Variants in NFE2L2 observed in about 807,000 individuals in gnomAD.
NFE2L2 encodes nuclear factor erythroid 2-related factor 2.
A neutral mutation model predicts 49.6 loss-of-function variants in NFE2L2; 20 were observed. The ratio of observed to expected loss-of-function variants is 0.40; its 90% CI spans 0.28 to 0.59. NFE2L2 has a LOEUF of 0.59. Ranked by LOEUF, NFE2L2 falls within the 20% of genes least tolerant of loss-of-function variation. NFE2L2 has a pLI of 0.40. For missense variants in NFE2L2, 578 were observed against 714.2 expected, an observed-to-expected ratio of 0.81 and a Z score of 2.17; for synonymous variants, 244 against 256.5, an observed-to-expected ratio of 0.95 and a Z score of 0.47.
At chr2:177,245,229 C>A (rs1558985986) in intron 1 of NFE2L2, among the ~76,000 whole-genome samples, 2 of 151,976 alleles carry the variant, frequency 1.3e-5, no homozygotes. Flanking sequence ...ACTGTTAATG[C>A]CACACTGTCA....
At chr2:177,259,917 G>T (rs1690668704) in intron 1 of NFE2L2, among the ~76,000 whole-genome samples, 1 of 151,920 alleles carries the variant, frequency 6.6e-6, no homozygotes, top group Non-Finnish European at 1.5e-5. Flanking sequence ...GGGCGACAGA[G>T]CAAGACTGCG....
At chr2:177,232,297 A>G (rs892854924) in intron 4 of NFE2L2, 95 bp downstream of exon 4, 87 of 1,240,436 alleles carry the variant, frequency 7.0e-5, no homozygotes, top group Non-Finnish European at 8.6e-5. Context: ...GCACCCTCCA[A>G]TCCTTCCTAT....
rs866928707 is a variant in NFE2L2 at position 177,264,684 on chromosome 2, G to T, written c.-108C>A. ...TGGTGGCGGCGGCGGCGGCGGTGGC[G>T]GCTGCGTCGGCGGCTCCTCCGGGCT... On this transcript the variant is annotated 5_prime_UTR_variant, in exon 1 of 5. Transcript: ENST00000397062. 94 of 1,045,620 alleles carry T rather than the reference G, an allele frequency of 9.0e-5. No homozygotes were observed. The Admixed American group carries it at 1.2e-3, about 13-fold the overall frequency. 64.8% of individuals were successfully genotyped at this position (1,045,620 alleles called of 1,614,324 possible).
intron 1 of NFE2L2, among the ~76,000 whole-genome samples, chr2:177,260,622 GCT>G (rs1690698042): frequency 6.6e-6 from 1 of 152,082 alleles, no homozygotes; most frequent in East Asian, 1.9e-4. Context: ...TCCCCATTCT[GCT>G]CTCTTTCCTT....
intron 1 of NFE2L2, among the ~76,000 whole-genome samples, chr2:177,260,873 T>A (rs1428884369): frequency 6.6e-6 from 1 of 152,094 alleles, no homozygotes; most frequent in Non-Finnish European, 1.5e-5. Context: ...TTAAAACTAT[T>A]ATTATATTAA....
intron 1 of NFE2L2, among the ~76,000 whole-genome samples, 166 bp from the exon 2 acceptor site, chr2:177,234,437 T>C (rs1319002511): frequency 6.6e-6 from 1 of 152,228 alleles, no homozygotes; most frequent in Non-Finnish European, 1.5e-5. Context: ...GCACAGTTAA[T>C]TCCATTCAAT....
chr2:177,239,175 T>C (rs1165919788), intron 1 of NFE2L2, among the ~76,000 whole-genome samples: 1 of 152,304 alleles, frequency 6.6e-6, no homozygotes, highest in East Asian at 1.9e-4. Flanking sequence ...AGACTAGCTC[T>C]TGAGCATCCT....
rs1690874633 is a variant in NFE2L2 at position 177,264,685 on chromosome 2, G to T, written c.-109C>A. 1.9e-6 allele frequency: 2 copies of T among 1,042,900 alleles called. No homozygotes were observed. The highest frequency in any genetic ancestry group is 2.5e-6 in the Non-Finnish European group (2 of 794,952). The allele number at this position is 1,042,900 out of a possible 1,614,324, so 64.6% of individuals were successfully genotyped here. On this transcript the variant is annotated 5_prime_UTR_variant, in exon 1 of 5. Transcript: ENST00000397062. ...GGTGGCGGCGGCGGCGGCGGTGGCGGCTGCGTCGGCGGCTCCTCCGGGCTC... is the reference window on the plus strand; with the variant it reads ...GGTGGCGGCGGCGGCGGCGGTGGCGTCTGCGTCGGCGGCTCCTCCGGGCTC...
chr2:177,233,465 C>A, intron 2 of NFE2L2, 126 bp from the exon 3 acceptor site: 1 of 763,024 alleles, frequency 1.3e-6, no homozygotes, highest in South Asian at 1.9e-5. Flanking sequence ...TATCTTATTT[C>A]AGAGATCACT....
chr2:177,264,346 C>A, intron 1 of NFE2L2, 186 bp downstream of exon 1: 1 of 542,264 alleles, frequency 1.8e-6, no homozygotes, highest in Non-Finnish European at 3.1e-6. Flanking sequence ...ATCACCCGGC[C>A]GCGTCCCCGC....
chr2:177,251,900 G>A (rs150396319), intron 1 of NFE2L2, among the ~76,000 whole-genome samples: 4,427 of 151,116 alleles, frequency 0.029, 220 homozygotes, highest in African/African-American at 0.098. Context: ...CAGCTACTCA[G>A]GAGGCTGAGG....
At chr2:177,258,844 T>C (rs1690623541) in intron 1 of NFE2L2, among the ~76,000 whole-genome samples, 1 of 152,174 alleles carries the variant, frequency 6.6e-6, no homozygotes, top group African/African-American at 2.4e-5. Flanking sequence ...AGCAATAGAG[T>C]TCAGAGCTTG....
At chr2:177,257,569 A>G (rs1690570927) in intron 1 of NFE2L2, among the ~76,000 whole-genome samples, 1 of 152,240 alleles carries the variant, frequency 6.6e-6, no homozygotes, top group Non-Finnish European at 1.5e-5. Context: ...TTTAAATAAG[A>G]CATCCTAACC....
intron 1 of NFE2L2, among the ~76,000 whole-genome samples, chr2:177,235,651 C>T (rs1689723897): frequency 6.6e-6 from 1 of 152,020 alleles, no homozygotes. Context: ...CATAGTGACA[C>T]CTGTTTCTAC....
Position 177,264,671 on chromosome 2 carries a change from C to T in NFE2L2, c.-95G>A, listed in dbSNP as rs187291840. The T allele has an allele frequency of 2.6e-6, 3 of 1,171,472 alleles. No homozygotes were observed. The highest frequency in any genetic ancestry group is 1.9e-5 in the African/African-American group (1 of 52,488). The allele number at this position is 1,171,472 out of a possible 1,614,324, so 72.6% of individuals were successfully genotyped here. On this transcript the variant is annotated 5_prime_UTR_variant, in exon 1 of 5. Coordinates refer to ENST00000397062, the MANE Select transcript of NFE2L2 (RefSeq NM_006164.5). ...GACAGGGCGGCTCTGGTGGCGGCGG[C>T]GGCGGCGGTGGCGGCTGCGTCGGCG... is the stretch of plus-strand genomic sequence containing the variant.
chr2:177,247,565 G>A (rs1690176013), intron 1 of NFE2L2, among the ~76,000 whole-genome samples: 1 of 151,640 alleles, frequency 6.6e-6, no homozygotes, highest in African/African-American at 2.4e-5. Flanking sequence ...AGAGGCTGAG[G>A]CAAGAGAATC....
chr2:177,242,909 T>G (rs1290493416), intron 1 of NFE2L2, among the ~76,000 whole-genome samples: 17 of 150,842 alleles, frequency 1.1e-4, no homozygotes, highest in African/African-American at 4.2e-4. Flanking sequence ...GTTTTTTTTT[T>G]GTTTTTTTTT....
intron 1 of NFE2L2, among the ~76,000 whole-genome samples, chr2:177,238,171 G>A (rs1339912778): frequency 6.6e-6 from 1 of 152,208 alleles, no homozygotes; most frequent in Non-Finnish European, 1.5e-5. Context: ...CCTCACCCTA[G>A]ACTTCCTGGG....
At chr2:177,244,416 A>G (rs1690053329) in intron 1 of NFE2L2, among the ~76,000 whole-genome samples, 1 of 152,192 alleles carries the variant, frequency 6.6e-6, no homozygotes, top group African/African-American at 2.4e-5. Context: ...TCTACCCATC[A>G]GATACCACCC....
Sources: gnomAD v4.1 joint callset for allele counts (sites outside exome capture counted in the v4.1 genomes callset) on GRCh38, gnomAD v4.1.1 for gene constraint, MANE v1.5 for transcripts, NCBI Gene and HGNC (gene_info 2026-07-23, HGNC 2026-07-21) for gene names.